The following SNX27 variants were observed in gnomAD, a reference collection of about 807,000 sequenced individuals.
The protein encoded by SNX27 is sorting nexin 27.
Under a neutral mutation model 71.6 loss-of-function variants are expected in SNX27, and 22 were observed. That is an observed-to-expected ratio of 0.31 (90% CI 0.22 to 0.44). The LOEUF is 0.44. Ranked by LOEUF, SNX27 falls within the 20% of genes least tolerant of loss-of-function variation. SNX27 has a pLI of 1.00. For missense variants in SNX27, 531 were observed against 698.6 expected, an observed-to-expected ratio of 0.76 and a Z score of 2.70; for synonymous variants, 269 against 277.2, an observed-to-expected ratio of 0.97 and a Z score of 0.29.
Position 151,694,380 on chromosome 1 carries a change from A to G in SNX27, c.1589A>G (p.Gln530Arg). ...ELKWRKENIFQMARSQQRDVA... is the reference protein window; with the variant it reads ...ELKWRKENIFRMARSQQRDVA... The stretch of plus-strand genomic sequence containing the variant: ...TTTTTTTCCTTTCAGAACATTTTCC[A>G]GATGGCGAGGTCACAGCAGAGAGAT... Residue 530 changes from glutamine (Q) to arginine (R), a missense_variant, in exon 12 of 12, where the codon CAG (glutamine) becomes CGG (arginine). By Grantham distance (43) the Gln-to-Arg change is conservative (BLOSUM62 1). Coordinates refer to ENST00000458013, the MANE Select transcript of SNX27 (RefSeq NM_001330723.2). The G allele has an allele frequency of 6.5e-7, 1 of 1,550,030 alleles. No individual in the cohort carries two copies.
intron 9 of SNX27, 148 bp from the exon 10 acceptor site, chr1:151,692,763 T>C (rs967976368): frequency 1.8e-5 from 24 of 1,350,458 alleles, no homozygotes; most frequent in Non-Finnish European, 2.2e-5. Context: ...CTTCCACTGA[T>C]TTGTATTCTT....
At chr1:151,689,798 C>G (rs1671354354) in intron 8 of SNX27, among the ~76,000 whole-genome samples, 2 of 152,036 alleles carry the variant, frequency 1.3e-5, no homozygotes, top group South Asian at 4.2e-4. Flanking sequence ...TGCCAGAGGC[C>G]TGGTTGCTAG....
chr1:151,612,399 A>G lies in SNX27; in HGVS notation c.198A>G (p.Gln66=), dbSNP rs1002510480. 1.3e-6 allele frequency: 2 copies of G among 1,523,174 alleles called. No individual in the cohort carries two copies. The highest frequency in any genetic ancestry group is 2.9e-5 in the African/African-American group (2 of 69,702). 94.4% of individuals were successfully genotyped at this position (1,523,174 alleles called of 1,614,324 possible). ...NVRGQVSEGG[Q]LRSINGELYA... is the part of the protein sequence containing the mutation. ...GGGGCCAAGTGAGCGAGGGCGGGCAACTGCGGAGCATCAACGGGGAGCTGT... is the reference window on the plus strand; with the variant it reads ...GGGGCCAAGTGAGCGAGGGCGGGCAGCTGCGGAGCATCAACGGGGAGCTGT... The change falls in exon 1 of 12, where the codon CAA becomes CAG. Residue 66 remains glutamine, a synonymous_variant. Coordinates refer to ENST00000458013, the MANE Select transcript of SNX27 (RefSeq NM_001330723.2). The surrounding 1 kb of genome is among the most constrained non-coding windows in gnomAD (Gnocchi z 5.2).
In SNX27 at chr1:151,636,666, TAAAAA is replaced by T. The variant is rs11333472; in HGVS notation, c.312-2202_312-2198del. Among the ~76,000 whole-genome samples, 8 of 97,544 alleles carry T rather than the reference TAAAAA, an allele frequency of 8.2e-5. No individual in the cohort carries two copies. The East Asian group carries it at 1.1e-3, about 14-fold the overall frequency. The allele number at this position is 97,544 out of a possible 152,430, so 64.0% of individuals were successfully genotyped here. On this transcript the variant is annotated intron_variant, in intron 1 of 11. Coordinates refer to ENST00000458013, the MANE Select transcript of SNX27 (RefSeq NM_001330723.2). ...AAGGTGTCAGCTTTTTCCACTTTTG[TAAAAA>T]AAAAAAAAAAAAAAAAAAAGGATAT...
rs2102695360 is a variant in SNX27, at chr1:151,668,524, T to C, written c.1038T>C (p.Tyr346=). 1 of 1,614,088 alleles carries C rather than the reference T, an allele frequency of 6.2e-7. No individual in the cohort carries two copies. The highest frequency in any genetic ancestry group is 8.5e-7 in the Non-Finnish European group (1 of 1,179,988). The change falls in exon 7 of 12, where the codon TAT becomes TAC. Residue 346 remains tyrosine, a synonymous_variant. Coordinates refer to ENST00000458013, the MANE Select transcript of SNX27 (RefSeq NM_001330723.2). ...CTCACAAACTCTACATTCAGAATTA[T>C]ACATCAGCTGTGCCAGGCACCTGCT... is the stretch of plus-strand genomic sequence containing the variant. ...EFPHKLYIQN[Y]TSAVPGTCLT...
intron 1 of SNX27, 119 bp from the exon 2 acceptor site, chr1:151,638,769 A>C: frequency 1.1e-6 from 1 of 889,142 alleles, no homozygotes. Flanking sequence ...GAACCAAATT[A>C]ATCTTTTGAC....
chr1:151,666,193 T>C, intron 6 of SNX27, 182 bp downstream of exon 6: 1 of 411,464 alleles, frequency 2.4e-6, no homozygotes. Flanking sequence ...TGATTCTTTT[T>C]CCTCTTTTGT....
intron 1 of SNX27, among the ~76,000 whole-genome samples, chr1:151,637,928 C>T (rs1338586650): frequency 1.3e-5 from 2 of 152,228 alleles, no homozygotes; most frequent in Non-Finnish European, 2.9e-5. Context: ...TATTTCCTAC[C>T]TCTCTTGGGA....
chr1:151,684,329 A>G (rs567327502), intron 8 of SNX27, among the ~76,000 whole-genome samples: 1 of 152,212 alleles, frequency 6.6e-6, no homozygotes, highest in Admixed American at 6.5e-5. Flanking sequence ...CCACATTTCA[A>G]TGCTAAGCAG....
chr1:151,627,874 C>T (rs1483236405), intron 1 of SNX27, among the ~76,000 whole-genome samples: 1 of 152,106 alleles, frequency 6.6e-6, no homozygotes, highest in Admixed American at 6.6e-5. Context: ...TCCACAGGCC[C>T]CTGGTAACCA....
At chr1:151,652,648 T>C (rs1219190103) in intron 2 of SNX27, among the ~76,000 whole-genome samples, 3 of 152,084 alleles carry the variant, frequency 2.0e-5, no homozygotes, top group African/African-American at 4.8e-5. Context: ...CCTGACGTTG[T>C]GATCCACCCG....
chr1:151,652,734 T>G (rs532038849), intron 2 of SNX27, among the ~76,000 whole-genome samples: 1 of 152,162 alleles, frequency 6.6e-6, no homozygotes, highest in South Asian at 2.1e-4. Context: ...TCTGTCACTT[T>G]CATTTGTTAT....
At chr1:151,672,952 AT>A (rs1029715766) in intron 7 of SNX27, among the ~76,000 whole-genome samples, 15 of 143,314 alleles carry the variant, frequency 1.0e-4, no homozygotes, top group Admixed American at 9.0e-4. Context: ...CTTTTTTTGT[AT>A]TTTTTTATTT....
rs569296767 is a variant in SNX27 at position 151,683,262 on chromosome 1, T to C, written c.1150-94T>C. 7.9e-5 allele frequency: 77 copies of C among 972,058 alleles called. 1 individual carries two copies. Among genetic ancestry groups the C allele is most frequent in the Middle Eastern group, 5.3e-4 (2 of 3,766 alleles). The allele number at this position is 972,058 out of a possible 1,614,324, so 60.2% of individuals were successfully genotyped here. A position where few individuals can be genotyped will look rare whatever the true frequency, so the allele number is the denominator to read the frequency against. ...GATGGTGGTCCAAGTGGATAAGAGA[T>C]TTTCTGAAAATGCGTCTGTGTCTGT... On this transcript the variant is annotated intron_variant, in intron 7 of 11. Coordinates refer to ENST00000458013, the MANE Select transcript of SNX27 (RefSeq NM_001330723.2).
chr1:151,658,104 T>G, intron 2 of SNX27, 131 bp from the exon 3 acceptor site: 2 of 751,164 alleles, frequency 2.7e-6, no homozygotes, highest in Non-Finnish European at 4.1e-6. Context: ...TACTTTAAAG[T>G]GAGCTTGAAT....
intron 1 of SNX27, among the ~76,000 whole-genome samples, chr1:151,637,617 T>C (rs111746954): frequency 3.2e-4 from 48 of 152,320 alleles, no homozygotes; most frequent in African/African-American, 1.1e-3. Flanking sequence ...GTTAGACTTG[T>C]AGGATGTGAA....
At chr1:151,668,819 A>G (rs924373910) in intron 7 of SNX27, among the ~76,000 whole-genome samples, 184 bp downstream of exon 7, 8 of 152,216 alleles carry the variant, frequency 5.3e-5, no homozygotes, top group African/African-American at 1.9e-4. Flanking sequence ...AAGTAAAGAT[A>G]TCCTGGAGTT....
chr1:151,630,712 G>C (rs1420233779), intron 1 of SNX27, among the ~76,000 whole-genome samples: 1 of 152,160 alleles, frequency 6.6e-6, no homozygotes, highest in Admixed American at 6.5e-5. Flanking sequence ...GCAAAGTATA[G>C]TATGATTGCT....
chr1:151,631,212 A>C (rs1035190728), intron 1 of SNX27, among the ~76,000 whole-genome samples: 8 of 152,204 alleles, frequency 5.3e-5, no homozygotes, highest in African/African-American at 1.9e-4. Context: ...GTACAGTTGT[A>C]CTGAACAACT....
Sources: gnomAD v4.1 joint callset for allele counts (sites outside exome capture counted in the v4.1 genomes callset) on GRCh38, gnomAD v4.1.1 for gene constraint, Gnocchi (gnomAD v3.1) non-coding constraint, MANE v1.5 for transcripts, NCBI Gene and HGNC (gene_info 2026-07-23, HGNC 2026-07-21) for gene names.